PALLD: variants seen among roughly 807,000 people sequenced by gnomAD.
PALLD encodes palladin.
A neutral mutation model predicts 123.5 loss-of-function variants in PALLD; 61 were observed. The observed-to-expected ratio is 0.49, with a 90% CI of 0.40 to 0.61. The LOEUF (loss-of-function observed/expected upper bound fraction) is 0.61, where lower values mean the gene tolerates loss of function less well. Ranked by LOEUF, PALLD falls within the 20% of genes least tolerant of loss-of-function variation. The pLI, the probability that PALLD is intolerant of heterozygous loss-of-function variation, is 0.00. For synonymous variants in PALLD, 465 were observed against 496.4 expected (o/e 0.94, Z 0.84); for missense variants, 1,273 against 1,377.0 (o/e 0.92, Z 1.20).
intron 8 of PALLD, among the ~76,000 whole-genome samples, chr4:168,701,820 A>G (rs1482778339): frequency 6.6e-6 from 1 of 152,206 alleles, no homozygotes; most frequent in Admixed American, 6.5e-5. Flanking sequence ...CTGGTTGTCT[A>G]GGCAGGAAGT....
intron 10 of PALLD, among the ~76,000 whole-genome samples, chr4:168,742,388 G>C (rs1788441553): frequency 6.6e-6 from 1 of 152,172 alleles, no homozygotes; most frequent in Admixed American, 6.5e-5. Context: ...ATTTATCCCA[G>C]GGAAGGAATA....
intron 3 of PALLD, among the ~76,000 whole-genome samples, chr4:168,678,474 G>A (rs1303293947): frequency 2.0e-5 from 3 of 152,162 alleles, no homozygotes; most frequent in East Asian, 1.9e-4. Flanking sequence ...CAGAGAAAGA[G>A]CACAGAATAG....
chr4:168,684,036 T>C (rs908947171), intron 5 of PALLD, among the ~76,000 whole-genome samples: 2 of 152,224 alleles, frequency 1.3e-5, no homozygotes, highest in Non-Finnish European at 2.9e-5. Context: ...GAGTGGAATT[T>C]ATAGAAATAT....
At chr4:168,704,611 C>G (rs1784044176) in intron 8 of PALLD, among the ~76,000 whole-genome samples, 1 of 147,106 alleles carries the variant, frequency 6.8e-6, no homozygotes, top group Non-Finnish European at 1.5e-5. Flanking sequence ...TTGCAGTGAG[C>G]CGAGATTGCG....
At chr4:168,734,061 G>C (rs939451673) in intron 10 of PALLD, among the ~76,000 whole-genome samples, 2 of 152,158 alleles carry the variant, frequency 1.3e-5, no homozygotes, top group Non-Finnish European at 2.9e-5. Context: ...GTAGTAACAT[G>C]ATTGTTAAAA....
rs556123717 is a variant in PALLD, at chr4:168,679,583, G to A, written c.1088-1749G>A. ...TGTGTGTGTGTGTCCTCTTCACTGC[G>A]TATCCCCCTTACTTATGGAGTGCAC... On this transcript the variant is annotated intron_variant, in intron 3 of 21. Coordinates refer to ENST00000505667, the MANE Select transcript of PALLD (RefSeq NM_001166108.2). 5.9e-5 allele frequency among the ~76,000 whole-genome samples: 9 copies of A among 151,276 alleles called. No homozygotes were observed. The East Asian group carries it at 1.4e-3, about 23-fold the overall frequency.
chr4:168,890,290 A>G (rs1038751883), intron 10 of PALLD, among the ~76,000 whole-genome samples: 1 of 152,176 alleles, frequency 6.6e-6, no homozygotes, highest in African/African-American at 2.4e-5. Flanking sequence ...TTGAGACACC[A>G]GGCACAGCAG....
intron 10 of PALLD, among the ~76,000 whole-genome samples, chr4:168,821,705 G>A (rs145105947): frequency 0.016 from 2,384 of 151,410 alleles, 67 homozygotes; most frequent in African/African-American, 0.055. Context: ...GTGAAACCTC[G>A]TCTCTACTAA....
At chr4:168,687,189 T>C (rs1365042601) in intron 6 of PALLD, among the ~76,000 whole-genome samples, 1 of 152,220 alleles carries the variant, frequency 6.6e-6, no homozygotes, top group Non-Finnish European at 1.5e-5. Flanking sequence ...TCCCTTCAGC[T>C]GGTTGAATCC....
At chr4:168,525,023 G>A (rs923492011) in intron 2 of PALLD, among the ~76,000 whole-genome samples, 5 of 152,098 alleles carry the variant, frequency 3.3e-5, no homozygotes, top group Non-Finnish European at 5.9e-5. Context: ...GATATGACTT[G>A]TAATCCGTTA....
chr4:168,551,530 G>A (rs1766724413), intron 2 of PALLD, among the ~76,000 whole-genome samples: 2 of 152,044 alleles, frequency 1.3e-5, no homozygotes, highest in Admixed American at 6.6e-5. Context: ...TAACCATGAG[G>A]ACTAATTTGT....
intron 2 of PALLD, among the ~76,000 whole-genome samples, chr4:168,639,615 C>T (rs1031717634): frequency 2.7e-5 from 4 of 150,150 alleles, no homozygotes; most frequent in Non-Finnish European, 1.5e-5. Flanking sequence ...GTGATCTTGG[C>T]TCACTGCAAG....
intron 10 of PALLD, among the ~76,000 whole-genome samples, chr4:168,752,509 G>C (rs1236593814): frequency 6.6e-6 from 1 of 152,150 alleles, no homozygotes; most frequent in Non-Finnish European, 1.5e-5. Flanking sequence ...GGTTATCTTG[G>C]CCAAGGTGTT....
intron 2 of PALLD, among the ~76,000 whole-genome samples, chr4:168,564,185 A>C (rs1465367131): frequency 6.6e-6 from 1 of 152,216 alleles, no homozygotes; most frequent in Admixed American, 6.5e-5. Context: ...CTCAACAGTT[A>C]CTGAGATACC....
In PALLD at chr4:168,878,158, G is replaced by A. The variant is rs863224384; in HGVS notation, c.1965-12764G>A. The A allele has an allele frequency of 1.6e-5, 13 of 790,240 alleles. No homozygotes were observed. Among genetic ancestry groups the A allele is most frequent in the East Asian group, 9.7e-5 (1 of 10,320 alleles). The allele number at this position is 790,240 out of a possible 1,614,324, so 49.0% of individuals were successfully genotyped here. ...GGGGCTCCTCCTCGCCGTCGCCCCC[G>A]CCCCCGCCACCCCCGGTCTTCAGCC... On this transcript the variant is annotated intron_variant, in intron 10 of 21. Coordinates refer to ENST00000505667, the MANE Select transcript of PALLD (RefSeq NM_001166108.2).
At chr4:168,910,920 C>T (rs943879273) in intron 15 of PALLD, among the ~76,000 whole-genome samples, 2 of 152,108 alleles carry the variant, frequency 1.3e-5, no homozygotes, top group African/African-American at 4.8e-5. Flanking sequence ...AGTATATTCA[C>T]ATGGAAATTC....
chr4:168,515,821 T>C (rs558084257), intron 2 of PALLD, among the ~76,000 whole-genome samples: 7 of 152,298 alleles, frequency 4.6e-5, no homozygotes, highest in African/African-American at 1.7e-4. Flanking sequence ...GGGAAACCAA[T>C]TGCTAGGTTA....
chr4:168,768,794 T>A (rs1734025051), intron 10 of PALLD, among the ~76,000 whole-genome samples: 1 of 152,142 alleles, frequency 6.6e-6, no homozygotes, highest in Non-Finnish European at 1.5e-5. Context: ...TGCCACAGCC[T>A]CCTGAGTAGC....
intron 10 of PALLD, among the ~76,000 whole-genome samples, chr4:168,868,136 C>G (rs902589681): frequency 6.6e-6 from 1 of 152,046 alleles, no homozygotes; most frequent in Non-Finnish European, 1.5e-5. Flanking sequence ...ATCTTCAGTA[C>G]GAAAAGTCCC....
Sources: allele counts gnomAD v4.1 joint callset (sites outside exome capture counted in the v4.1 genomes callset), GRCh38; gene constraint gnomAD v4.1.1; transcripts MANE v1.5; gene names NCBI Gene and HGNC (gene_info 2026-07-23, HGNC 2026-07-21).